Variants in ESR1 observed in about 807,000 individuals in gnomAD.
The protein encoded by ESR1 is estrogen receptor.
In ESR1, 12 loss-of-function variants were observed where a neutral mutation model predicts 52.7. That is an observed-to-expected ratio of 0.23 (90% CI 0.15 to 0.37). The LOEUF (loss-of-function observed/expected upper bound fraction) is 0.37, where lower values mean the gene tolerates loss of function less well. Ranked by LOEUF, ESR1 falls within the 10% of genes least tolerant of loss-of-function variation. The probability of loss-of-function intolerance (pLI) is 1.00; values close to 1 mark genes in which losing one functional copy is unlikely to be tolerated. For missense variants in ESR1, 584 were observed against 779.7 expected (o/e 0.75, Z 2.99); for synonymous variants, 305 against 316.8 (o/e 0.96, Z 0.39).
intron 5 of ESR1, among the ~76,000 whole-genome samples, chr6:152,058,173 T>C (rs988332685): frequency 6.6e-6 from 1 of 151,912 alleles, no homozygotes; most frequent in South Asian, 2.1e-4. Flanking sequence ...TTTTCCCCTA[T>C]CCTTGTTTAT....
chr6:151,725,197 C>T (rs1781749409), intron 2 of ESR1, among the ~76,000 whole-genome samples: 1 of 152,116 alleles, frequency 6.6e-6, no homozygotes, highest in East Asian at 1.9e-4. Flanking sequence ...CTCATTAAAC[C>T]TATTATTCCC....
At chr6:152,027,067 A>G (rs1045267786) in intron 5 of ESR1, among the ~76,000 whole-genome samples, 2 of 151,276 alleles carry the variant, frequency 1.3e-5, no homozygotes, top group Admixed American at 1.3e-4. Context: ...CCCGGGTTCC[A>G]GCGATTCTCC....
At chr6:151,746,258 A>G (rs1251372817) in intron 2 of ESR1, among the ~76,000 whole-genome samples, 1 of 152,198 alleles carries the variant, frequency 6.6e-6, no homozygotes, top group East Asian at 1.9e-4. Flanking sequence ...GGATTGCAGG[A>G]TCAGATGATA....
At chr6:151,706,647 C>T (rs1780207106) in intron 2 of ESR1, among the ~76,000 whole-genome samples, 1 of 152,266 alleles carries the variant, frequency 6.6e-6, no homozygotes, top group Non-Finnish European at 1.5e-5. Context: ...CCCCTGCAGC[C>T]TTGCTTGCCT....
At chr6:152,016,663 T>A (rs953194633) in intron 5 of ESR1, among the ~76,000 whole-genome samples, 1 of 152,218 alleles carries the variant, frequency 6.6e-6, no homozygotes, top group African/African-American at 2.4e-5. Context: ...AGCTCTCTGA[T>A]GCAGATGACA....
chr6:151,666,691 C>T (rs1321190845), intron 1 of ESR1, among the ~76,000 whole-genome samples: 3 of 141,674 alleles, frequency 2.1e-5, no homozygotes, highest in Non-Finnish European at 4.6e-5. Context: ...GCCTCTTCCC[C>T]ATCCCCCTCC....
rs917247400 is a variant in ESR1, at chr6:151,972,711, A to G, written c.1096+28203A>G. On this transcript the variant is annotated intron_variant, in intron 4 of 7. Transcript: ENST00000206249. ...GGGACAGAACTAATAGGATAGATGT[A>G]TATATAAAGGGGAGTTTATTAAGAA... Among the ~76,000 whole-genome samples the G allele has an allele frequency of 1.4e-4, 21 of 152,158 alleles. 1 individual carries two copies. The highest frequency in any genetic ancestry group is 4.8e-5 in the African/African-American group (2 of 41,424).
At chr6:152,065,551 G>T (rs749536630) in intron 6 of ESR1, among the ~76,000 whole-genome samples, 2 of 152,050 alleles carry the variant, frequency 1.3e-5, no homozygotes, top group African/African-American at 4.8e-5. Flanking sequence ...TTTCTAAACC[G>T]CTCTTAACCA....
intron 2 of ESR1, among the ~76,000 whole-genome samples, chr6:151,745,511 G>T (rs1197215315): frequency 6.6e-6 from 1 of 152,054 alleles, no homozygotes; most frequent in Non-Finnish European, 1.5e-5. Flanking sequence ...TTTATGGGTA[G>T]ACTAACATTC....
upstream of ESR1, among the ~76,000 whole-genome samples, chr6:151,685,708 GTCTTCT>G (rs1461277856): frequency 1.3e-5 from 2 of 152,156 alleles, no homozygotes; most frequent in Non-Finnish European, 2.9e-5. Context: ...TTAAATCATT[GTCTTCT>G]TCAATGTTGC....
At chr6:151,777,229 T>G (rs534432463) in intron 2 of ESR1, among the ~76,000 whole-genome samples, 88 of 151,530 alleles carry the variant, frequency 5.8e-4, no homozygotes, top group Non-Finnish European at 1.0e-3. Context: ...GCGATTCTCC[T>G]GCCTCACCCT....
intron 1 of ESR1, among the ~76,000 whole-genome samples, chr6:151,677,160 T>C (rs1778280961): frequency 6.6e-6 from 1 of 152,140 alleles, no homozygotes; most frequent in African/African-American, 2.4e-5. Flanking sequence ...AAAATTTGAG[T>C]TAGGCTTTAG....
intron 2 of ESR1, among the ~76,000 whole-genome samples, chr6:151,725,052 C>T (rs889866948): frequency 6.6e-6 from 1 of 152,152 alleles, no homozygotes; most frequent in Non-Finnish European, 1.5e-5. Flanking sequence ...ATTTCAAAGT[C>T]AGAGTCAAGT....
Position 152,101,933 on chromosome 6 carries a change from C to A in ESR1, c.*2967C>A, listed in dbSNP as rs952882101. ...AGCTTCAGTTCTAGAGAAGAAAGAACAACATCAGCAGTAAAGTCCATGGAA... is the reference window on the plus strand; with the variant it reads ...AGCTTCAGTTCTAGAGAAGAAAGAAAAACATCAGCAGTAAAGTCCATGGAA... On this transcript the variant is annotated 3_prime_UTR_variant, in exon 8 of 8. Transcript: ENST00000206249. 9.2e-6 allele frequency: 2 copies of A among 218,100 alleles called. No homozygotes were observed. Among genetic ancestry groups the A allele is most frequent in the Non-Finnish European group, 1.8e-5 (2 of 108,360 alleles). The allele number at this position is 218,100 out of a possible 1,614,324, so 13.5% of individuals were successfully genotyped here.
At chr6:151,934,198 G>A (rs867719859) in intron 3 of ESR1, among the ~76,000 whole-genome samples, 3 of 152,056 alleles carry the variant, frequency 2.0e-5, no homozygotes, top group Non-Finnish European at 2.9e-5. Context: ...TGTGTTGTTC[G>A]TTCACCCTTC....
At chr6:151,884,805 T>C (rs771270324) in intron 3 of ESR1, among the ~76,000 whole-genome samples, 2 of 152,182 alleles carry the variant, frequency 1.3e-5, no homozygotes, top group Non-Finnish European at 2.9e-5. Context: ...TTTGTCTCCT[T>C]CCTCTTGAAC....
At chr6:152,075,284 G>T (rs2048651691) in intron 6 of ESR1, among the ~76,000 whole-genome samples, 1 of 152,142 alleles carries the variant, frequency 6.6e-6, no homozygotes, top group Non-Finnish European at 1.5e-5. Flanking sequence ...TTTAAAAGGG[G>T]TTTTTACTCT....
At chr6:151,962,673 G>A (rs917676449) in intron 4 of ESR1, among the ~76,000 whole-genome samples, 1 of 152,190 alleles carries the variant, frequency 6.6e-6, no homozygotes, top group Admixed American at 6.5e-5. Flanking sequence ...AAGCCTTGTG[G>A]CTCTTTGATC....
At chr6:151,865,030 A>G (rs1008040720) in intron 2 of ESR1, among the ~76,000 whole-genome samples, 16 of 151,990 alleles carry the variant, frequency 1.1e-4, no homozygotes, top group African/African-American at 3.6e-4. Context: ...TGGCACATGT[A>G]TACATATGTA....
Sources: gnomAD v4.1 joint callset for allele counts (sites outside exome capture counted in the v4.1 genomes callset) on GRCh38, gnomAD v4.1.1 for gene constraint, MANE v1.5 for transcripts, NCBI Gene and HGNC (gene_info 2026-07-23, HGNC 2026-07-21) for gene names.